The following KCNQ1OT1 variants were observed in gnomAD, a reference collection of about 807,000 sequenced individuals.
KCNQ1OT1 encodes the protein KCNQ1 antisense RNA 2 (non-protein coding).
rs1849004557 is a variant in KCNQ1OT1 at position 2,612,918 on chromosome 11, G to A, written n.87077C>T. The stretch of plus-strand genomic sequence containing the variant: ...TACTCATTTATTTGTTTGCTCGCTT[G>A]TGTATGCCTTCTCTGCATGGATTCT... On this transcript the variant is annotated non_coding_transcript_exon_variant, in exon 1 of 1. Transcript: ENST00000597346. The surrounding 1 kb of genome is among the most constrained non-coding windows in gnomAD (Gnocchi z 5.5). 1 of 398,558 alleles carries A rather than the reference G, an allele frequency of 2.5e-6. No individual in the cohort carries two copies. Among genetic ancestry groups the A allele is most frequent in the East Asian group, 3.6e-5 (1 of 28,068 alleles). 24.7% of individuals were successfully genotyped at this position (398,558 alleles called of 1,614,324 possible). A position where few individuals can be genotyped will look rare whatever the true frequency, so the allele number is the denominator to read the frequency against.
Position 2,653,586 on chromosome 11 carries a change from CT to C in KCNQ1OT1, n.46408del, listed in dbSNP as rs1290763436. The C allele has an allele frequency of 1.0e-5, 4 of 398,612 alleles. No individual in the cohort carries two copies. The highest frequency in any genetic ancestry group is 1.8e-5 in the Non-Finnish European group (4 of 226,142). 24.7% of individuals were successfully genotyped at this position (398,612 alleles called of 1,614,324 possible). A position where few individuals can be genotyped will look rare whatever the true frequency, so the allele number is the denominator to read the frequency against. Reference sequence around the variant, plus strand: ...GTTCCCTCTTTTGTTCTCCCTTTCCCTTGCTCTCTATCCATTGGCCCCATGG... The same window carrying C: ...GTTCCCTCTTTTGTTCTCCCTTTCCCTGCTCTCTATCCATTGGCCCCATGG... On this transcript the variant is annotated non_coding_transcript_exon_variant, in exon 1 of 1. Transcript: ENST00000597346. The surrounding 1 kb of genome is among the most constrained non-coding windows in gnomAD (Gnocchi z 5.3).
At chr11:2,665,017 A>G (rs1850039351) in exon 1 of KCNQ1OT1, 3 of 398,358 alleles carry the variant, frequency 7.5e-6, no homozygotes, top group Non-Finnish European at 1.3e-5. Context: ...TGTTAGCCAG[A>G]GGTGGGGTGG....
In KCNQ1OT1 at chr11:2,676,833, T is replaced by A; in HGVS notation, n.23162A>T. The A allele has an allele frequency of 7.5e-6, 3 of 398,608 alleles. No homozygotes were observed. The highest frequency in any genetic ancestry group is 1.3e-5 in the Non-Finnish European group (3 of 226,052). The allele number at this position is 398,608 out of a possible 1,614,324, so 24.7% of individuals were successfully genotyped here. A position where few individuals can be genotyped will look rare whatever the true frequency, so the allele number is the denominator to read the frequency against. ...GCTGGGATCTACCACAGGGGTCATGTTGTAATGACACCTGTCAGCTTTGAC... is the reference window on the plus strand; with the variant it reads ...GCTGGGATCTACCACAGGGGTCATGATGTAATGACACCTGTCAGCTTTGAC... On this transcript the variant is annotated non_coding_transcript_exon_variant, in exon 1 of 1. Transcript: ENST00000597346. The surrounding 1 kb of genome is among the most constrained non-coding windows in gnomAD (Gnocchi z 4.2).
chr11:2,685,207 C>T (rs1850464426), exon 1 of KCNQ1OT1: 2 of 398,568 alleles, frequency 5.0e-6, no homozygotes, highest in Admixed American at 8.8e-5. Context: ...ATGGCTGGCA[C>T]AGCTCACACA....
exon 1 of KCNQ1OT1, chr11:2,629,413 G>A (rs1028569286): frequency 7.5e-6 from 3 of 398,318 alleles, no homozygotes; most frequent in Non-Finnish European, 8.9e-6. Flanking sequence ...CAAATCCAAT[G>A]TCATGCAGTT....
At position 2,642,711 on chromosome 11, in the gene KCNQ1OT1, G is replaced by A; in HGVS notation, n.57284C>T. The A allele has an allele frequency of 2.5e-6, 1 of 397,620 alleles. No individual in the cohort carries two copies. Among genetic ancestry groups the A allele is most frequent in the Non-Finnish European group, 4.4e-6 (1 of 225,598 alleles). The allele number at this position is 397,620 out of a possible 1,614,324, so 24.6% of individuals were successfully genotyped here. A position where few individuals can be genotyped will look rare whatever the true frequency, so the allele number is the denominator to read the frequency against. ...TTTCCTTCTACTAATTTTATGTTTA[G>A]TATGGTTTGTTCTTGCTTTTCTGGT... On this transcript the variant is annotated non_coding_transcript_exon_variant, in exon 1 of 1. Coordinates refer to ENST00000597346, the Ensembl canonical transcript of KCNQ1OT1. The surrounding 1 kb of genome is among the most constrained non-coding windows in gnomAD (Gnocchi z 4.3).
chr11:2,658,345 T>G lies in KCNQ1OT1; in HGVS notation n.41650A>C. On this transcript the variant is annotated non_coding_transcript_exon_variant, in exon 1 of 1. Transcript: ENST00000597346. The surrounding 1 kb of genome is among the most constrained non-coding windows in gnomAD (Gnocchi z 4.9). ...TCTCCTCCAATTGTTTATTTAATTTTATCAGTGTGGATTTGGGAGTATTTA... is the reference window on the plus strand; with the variant it reads ...TCTCCTCCAATTGTTTATTTAATTTGATCAGTGTGGATTTGGGAGTATTTA... The G allele has an allele frequency of 2.5e-6, 1 of 398,598 alleles. No homozygotes were observed. 24.7% of individuals were successfully genotyped at this position (398,598 alleles called of 1,614,324 possible). A position where few individuals can be genotyped will look rare whatever the true frequency, so the allele number is the denominator to read the frequency against.
At position 2,678,357 on chromosome 11, in the gene KCNQ1OT1, T is replaced by G; in HGVS notation, n.21638A>C. The G allele has an allele frequency of 2.5e-6, 1 of 398,604 alleles. No individual in the cohort carries two copies. The highest frequency in any genetic ancestry group is 4.4e-6 in the Non-Finnish European group (1 of 226,044). The allele number at this position is 398,604 out of a possible 1,614,324, so 24.7% of individuals were successfully genotyped here. A position where few individuals can be genotyped will look rare whatever the true frequency, so the allele number is the denominator to read the frequency against. Reference sequence around the variant, plus strand: ...TTAAATCCTTGCTTTATCGGGATTTTGACAGAGTAATTAAATCCAATTTGG... The same window carrying G: ...TTAAATCCTTGCTTTATCGGGATTTGGACAGAGTAATTAAATCCAATTTGG... On this transcript the variant is annotated non_coding_transcript_exon_variant, in exon 1 of 1. Coordinates refer to ENST00000597346, the Ensembl canonical transcript of KCNQ1OT1. The surrounding 1 kb of genome is among the most constrained non-coding windows in gnomAD (Gnocchi z 4.9).
rs1446146811 is a variant in KCNQ1OT1 at position 2,674,167 on chromosome 11, C to G, written n.25828G>C. On this transcript the variant is annotated non_coding_transcript_exon_variant, in exon 1 of 1. Coordinates refer to ENST00000597346, the Ensembl canonical transcript of KCNQ1OT1. This position sits in a 1 kb window ranked among gnomAD's most constrained non-coding sequence, Gnocchi z 5.9. The stretch of plus-strand genomic sequence containing the variant: ...GGCTCAGGAAGGGAAGGAATGTGAC[C>G]AAGGCTGGGTGTGGCTGGGGAGAGC... The G allele has an allele frequency of 4.8e-5, 19 of 398,638 alleles. 1 individual carries two copies. In the East Asian group the frequency reaches 6.8e-4, roughly 14 times the overall value. The allele number at this position is 398,638 out of a possible 1,614,324, so 24.7% of individuals were successfully genotyped here.
exon 1 of KCNQ1OT1, chr11:2,631,237 G>C (rs1211645977): frequency 1.0e-5 from 4 of 398,250 alleles, no homozygotes; most frequent in Non-Finnish European, 1.8e-5. Context: ...CTCTCCTGAT[G>C]GTGTCCCATA....
In KCNQ1OT1 at chr11:2,671,100, GTC is replaced by G; in HGVS notation, n.28893_28894del. 7.9e-6 allele frequency: 1 copy of G among 126,418 alleles called. No homozygotes were observed. Among genetic ancestry groups the G allele is most frequent in the South Asian group, 7.6e-4 (1 of 1,310 alleles). 7.8% of individuals were successfully genotyped at this position (126,418 alleles called of 1,614,324 possible). On this transcript the variant is annotated non_coding_transcript_exon_variant, in exon 1 of 1. Transcript: ENST00000597346. The surrounding 1 kb of genome is among the most constrained non-coding windows in gnomAD (Gnocchi z 4.7). ...CTAGCAGGAGGAAGTCTGGCAGTTAGTCTGAGCAGTTAGTCTGTCAGGCCTGG... is the reference window on the plus strand; with the variant it reads ...CTAGCAGGAGGAAGTCTGGCAGTTAGTGAGCAGTTAGTCTGTCAGGCCTGG...
At chr11:2,689,481 A>G (rs1850553057) in exon 1 of KCNQ1OT1, 9 of 398,584 alleles carry the variant, frequency 2.3e-5, no homozygotes, top group Non-Finnish European at 3.5e-5. Flanking sequence ...GCCTACCTGC[A>G]TTCTGCTGAA....
rs997998795 is a variant in KCNQ1OT1, at chr11:2,698,199, GA to G, written n.1795del. 3 of 398,520 alleles carry G rather than the reference GA, an allele frequency of 7.5e-6. No individual in the cohort carries two copies. The highest frequency in any genetic ancestry group is 6.2e-5 in the African/African-American group (3 of 48,630). The allele number at this position is 398,520 out of a possible 1,614,324, so 24.7% of individuals were successfully genotyped here. ...CTAGCAAAAGGGGCACCACAGTAAA[GA>G]AAGAACTGGTAAATGCACATCAAAT... On this transcript the variant is annotated non_coding_transcript_exon_variant, in exon 1 of 1. Transcript: ENST00000597346. The surrounding 1 kb of genome is among the most constrained non-coding windows in gnomAD (Gnocchi z 5.1).
exon 1 of KCNQ1OT1, chr11:2,649,353 C>T (rs1849722723): frequency 2.5e-6 from 1 of 398,206 alleles, no homozygotes; most frequent in Non-Finnish European, 4.4e-6. Flanking sequence ...CTTTTCCTTT[C>T]TCATTTGTGT....
At chr11:2,615,750 T>C (rs1469746936) in exon 1 of KCNQ1OT1, 1 of 398,008 alleles carries the variant, frequency 2.5e-6, no homozygotes, top group African/African-American at 2.1e-5. Flanking sequence ...TCATGATATA[T>C]AATCCTTTTT....
chr11:2,610,027 A>G (rs1848953206), exon 1 of KCNQ1OT1: 1 of 397,960 alleles, frequency 2.5e-6, no homozygotes, highest in East Asian at 3.6e-5. Context: ...TATTGATATA[A>G]TTAGATTTAT....
At chr11:2,641,023 C>T in exon 1 of KCNQ1OT1, 1 of 398,462 alleles carries the variant, frequency 2.5e-6, no homozygotes, top group Non-Finnish European at 4.4e-6. Flanking sequence ...AATTAGTATT[C>T]CATTGTATAT....
exon 1 of KCNQ1OT1, chr11:2,632,411 T>C (rs1413725591): frequency 1.5e-5 from 6 of 398,326 alleles, no homozygotes; most frequent in Non-Finnish European, 2.7e-5. Flanking sequence ...TTTAATATAA[T>C]GGCTAAAATG....
rs1237334105 is a variant in KCNQ1OT1, at chr11:2,623,719, C to T, written n.76276G>A. ...CCAATTTCAACAATCACAAATAAAG[C>T]TTCTGTAAACATCTCTGTGCAGATT... is the stretch of plus-strand genomic sequence containing the variant. On this transcript the variant is annotated non_coding_transcript_exon_variant, in exon 1 of 1. Transcript: ENST00000597346. The surrounding 1 kb of genome is among the most constrained non-coding windows in gnomAD (Gnocchi z 5.2). 1 of 398,384 alleles carries T rather than the reference C, an allele frequency of 2.5e-6. No individual in the cohort carries two copies. The highest frequency in any genetic ancestry group is 4.4e-6 in the Non-Finnish European group (1 of 226,026). 24.7% of individuals were successfully genotyped at this position (398,384 alleles called of 1,614,324 possible).
Sources: allele counts gnomAD v4.1 joint callset, GRCh38; gene constraint gnomAD v4.1.1; non-coding constraint Gnocchi (gnomAD v3.1); transcripts MANE v1.5; gene names NCBI Gene and HGNC (gene_info 2026-07-23, HGNC 2026-07-21).